FLRT1: variants seen among roughly 807,000 people sequenced by gnomAD.
The protein encoded by FLRT1 is fibronectin leucine rich transmembrane protein 1.
A neutral mutation model predicts 30.9 loss-of-function variants in FLRT1; 14 were observed. That is an observed-to-expected ratio of 0.45 (90% CI 0.30 to 0.71). FLRT1 has a LOEUF of 0.71. Ranked by LOEUF, FLRT1 falls within the 30% of genes least tolerant of loss-of-function variation. The pLI is 0.08. For synonymous variants in FLRT1, 368 were observed against 430.4 expected (o/e 0.85, Z 1.80); for missense variants, 737 against 949.2 (o/e 0.78, Z 2.94).
chr11:64,101,560 G>A (rs1944671349), intron 1 of FLRT1, among the ~76,000 whole-genome samples: 1 of 152,124 alleles, frequency 6.6e-6, no homozygotes, highest in African/African-American at 2.4e-5. Context: ...AACAATTTCT[G>A]CGCCCCGGCC....
chr11:64,055,874 G>A (rs1251547368), intron 1 of FLRT1, among the ~76,000 whole-genome samples: 1 of 152,210 alleles, frequency 6.6e-6, no homozygotes, highest in Non-Finnish European at 1.5e-5. Flanking sequence ...GTCTGCTATT[G>A]TCCTTCCAGG....
Position 64,116,718 on chromosome 11 carries a change from C to A in FLRT1, c.451C>A (p.Pro151Thr). 1.2e-6 allele frequency: 2 copies of A among 1,613,834 alleles called. No homozygotes were observed. Among genetic ancestry groups the A allele is most frequent in the Non-Finnish European group, 8.5e-7 (1 of 1,180,030 alleles). The change falls in exon 3 of 3, where the codon CCG (proline) becomes ACG (threonine). Residue 151 changes from proline (P) to threonine (T), a missense_variant. Transcript: ENST00000682287. The part of the protein sequence containing the change: ...TIARDSLARI[P>T]LLEKLHLDDN... The stretch of plus-strand genomic sequence containing the variant: ...TGCCAGGGACTCGCTGGCCCGCATC[C>A]CGCTGCTGGAGAAGCTGCACCTGGA...
At chr11:64,076,617 T>G (rs1316831326) in intron 1 of FLRT1, among the ~76,000 whole-genome samples, 2 of 152,134 alleles carry the variant, frequency 1.3e-5, no homozygotes, top group African/African-American at 4.8e-5. Flanking sequence ...ACTATCATTA[T>G]CTCCATTTTC....
chr11:64,109,564 G>A (rs1944823930), intron 2 of FLRT1, among the ~76,000 whole-genome samples: 1 of 152,164 alleles, frequency 6.6e-6, no homozygotes, highest in Non-Finnish European at 1.5e-5. Flanking sequence ...GTGTGGCGTG[G>A]AGGAGGTAGG....
rs773843602 is a variant in FLRT1, at chr11:64,116,326, C to A, written c.59C>A (p.Ala20Asp). Residue 20 changes from alanine (A) to aspartate (D), a missense_variant, in exon 3 of 3, where the codon GCC becomes GAC. Coordinates refer to ENST00000682287, the MANE Select transcript of FLRT1 (RefSeq NM_013280.5). ...ACCACGCCCACTGCCACTGTCACGG[C>A]CACCGTTGTGATGACCACGGCCACC... Reference protein sequence around the residue: ...ATTTPTATVTATVVMTTATMD... With the variant: ...ATTTPTATVTDTVVMTTATMD... 1.2e-6 allele frequency: 2 copies of A among 1,610,214 alleles called. No homozygotes were observed. Among genetic ancestry groups the A allele is most frequent in the Non-Finnish European group, 1.7e-6 (2 of 1,179,032 alleles).
intron 1 of FLRT1, among the ~76,000 whole-genome samples, chr11:64,083,501 G>A (rs567437019): frequency 2.6e-5 from 4 of 152,254 alleles, no homozygotes; most frequent in South Asian, 2.1e-4. Context: ...TGTCCGCTTC[G>A]GGTGCCTGGC....
chr11:64,084,425 C>A (rs541139206), intron 1 of FLRT1, among the ~76,000 whole-genome samples: 1 of 152,212 alleles, frequency 6.6e-6, no homozygotes, highest in African/African-American at 2.4e-5. Context: ...CGCGAAGCCC[C>A]CTCCCTGCAC....
intron 2 of FLRT1, among the ~76,000 whole-genome samples, chr11:64,111,287 A>C (rs1200448004): frequency 6.6e-6 from 1 of 152,234 alleles, no homozygotes; most frequent in African/African-American, 2.4e-5. Flanking sequence ...AGAACTCAGC[A>C]GCCAACAGAC....
chr11:64,115,247 AG>A (rs1407338352), intron 2 of FLRT1, among the ~76,000 whole-genome samples: 4 of 152,216 alleles, frequency 2.6e-5, no homozygotes, highest in Non-Finnish European at 5.9e-5. Context: ...AAATAATATA[AG>A]AAAAATCTAT....
At position 64,042,114 on chromosome 11, in the gene FLRT1, C is replaced by A. The variant is rs1296979410; in HGVS notation, c.-1038+5955C>A. On this transcript the variant is annotated intron_variant, in intron 1 of 2. Transcript: ENST00000682287. The stretch of plus-strand genomic sequence containing the variant: ...GGTGGCCCAGTCCAGTGGGACCAGG[C>A]GGGAGGGGGAGACAGATGTGCACCA... Among the ~76,000 whole-genome samples, 5 of 152,130 alleles carry A rather than the reference C, an allele frequency of 3.3e-5. No homozygotes were observed. In the South Asian group the frequency reaches 8.3e-4, roughly 25 times the overall value.
At chr11:64,040,589 C>T (rs1269438477) in intron 1 of FLRT1, among the ~76,000 whole-genome samples, 4 of 152,220 alleles carry the variant, frequency 2.6e-5, no homozygotes, top group African/African-American at 4.8e-5. Context: ...GTCCCCTTTT[C>T]CCGAGAGCTG....
intron 1 of FLRT1, among the ~76,000 whole-genome samples, chr11:64,093,619 G>A (rs954843191): frequency 3.3e-5 from 5 of 152,218 alleles, no homozygotes; most frequent in African/African-American, 9.6e-5. Context: ...GAACAGGTCG[G>A]TCTTCCTTCT....
At chr11:64,085,458 C>T (rs1384898794) in intron 1 of FLRT1, among the ~76,000 whole-genome samples, 3 of 152,330 alleles carry the variant, frequency 2.0e-5, no homozygotes, top group Middle Eastern at 3.4e-3. Flanking sequence ...ACGGGGCTGC[C>T]GGGACCAGGC....
At chr11:64,051,046 T>C (rs1392943547) in intron 1 of FLRT1, among the ~76,000 whole-genome samples, 2 of 152,220 alleles carry the variant, frequency 1.3e-5, no homozygotes, top group Admixed American at 1.3e-4. Context: ...ATTCCAAGGA[T>C]TGAGGCTCAA....
intron 1 of FLRT1, among the ~76,000 whole-genome samples, chr11:64,080,761 C>G (rs1333621402): frequency 6.6e-6 from 1 of 152,152 alleles, no homozygotes; most frequent in Admixed American, 6.5e-5. Flanking sequence ...CCAGGGGTGG[C>G]TTTTAGAGCC....
chr11:64,115,363 G>A (rs1190772445), intron 2 of FLRT1, among the ~76,000 whole-genome samples: 1 of 151,348 alleles, frequency 6.6e-6, no homozygotes, highest in Admixed American at 6.6e-5. Flanking sequence ...ATTCCTTTAA[G>A]TGCAAGAAAA....
intron 1 of FLRT1, among the ~76,000 whole-genome samples, chr11:64,058,192 C>T (rs917050729): frequency 1.3e-5 from 2 of 152,274 alleles, no homozygotes; most frequent in African/African-American, 4.8e-5. Flanking sequence ...AATGACTAAT[C>T]CTCTCTTTCT....
chr11:64,116,662 T>A lies in FLRT1; in HGVS notation c.395T>A (p.Leu132Gln). 1 of 1,613,940 alleles carries A rather than the reference T, an allele frequency of 6.2e-7. No individual in the cohort carries two copies. The highest frequency in any genetic ancestry group is 8.5e-7 in the Non-Finnish European group (1 of 1,180,004). ...AACCTGCCCCGCTCCCTCCGGGAGC[T>A]GCACCTGCAGGACAACAATGTGCGC... ...PINLPRSLRE[L>Q]HLQDNNVRTI... Residue 132 changes from leucine (L) to glutamine (Q), a missense_variant, in exon 3 of 3, where the codon CTG becomes CAG. By Grantham distance (113) the Leu-to-Gln change is moderately radical (BLOSUM62 -2). Transcript: ENST00000682287.
intron 2 of FLRT1, among the ~76,000 whole-genome samples, chr11:64,111,929 G>T (rs1045363445): frequency 6.6e-6 from 1 of 152,140 alleles, no homozygotes; most frequent in Admixed American, 6.5e-5. Context: ...CTCAGCCTGG[G>T]CTGCAGGACT....
Sources: gnomAD v4.1 joint callset for allele counts (sites outside exome capture counted in the v4.1 genomes callset) on GRCh38, gnomAD v4.1.1 for gene constraint, MANE v1.5 for transcripts, NCBI Gene and HGNC (gene_info 2026-07-23, HGNC 2026-07-21) for gene names.